Variants in EXOC6 observed in about 807,000 individuals in gnomAD.
The protein encoded by EXOC6 is SEC15-like 1.
Under a neutral mutation model 112.5 loss-of-function variants are expected in EXOC6, and 60 were observed. The observed-to-expected ratio is 0.53, with a 90% CI of 0.43 to 0.66. The LOEUF is 0.66. Among genes scored for constraint, EXOC6 ranks in the 30% least tolerant of loss-of-function variants. The pLI is 0.00. For missense variants in EXOC6, 855 were observed against 957.1 expected, an observed-to-expected ratio of 0.89 and a Z score of 1.41; for synonymous variants, 295 against 308.0, an observed-to-expected ratio of 0.96 and a Z score of 0.44.
chr10:92,834,836 T>C lies in EXOC6; in HGVS notation c.86+12T>C. The C allele has an allele frequency of 2.6e-6, 4 of 1,511,380 alleles. 1 individual carries two copies. The South Asian group carries it at 3.4e-5, about 13-fold the overall frequency. The allele number at this position is 1,511,380 out of a possible 1,614,324, so 93.6% of individuals were successfully genotyped here. A position where few individuals can be genotyped will look rare whatever the true frequency, so the allele number is the denominator to read the frequency against. On this transcript the variant is annotated intron_variant, in intron 1 of 21. Coordinates refer to the EXOC6 transcript ENST00000371552. ...GAAGCTACTTTAAGGTAGGGCACCG[T>C]TGCATTTTATTGTGTCTTCTTTAGC...
Position 92,949,755 on chromosome 10 carries a change from G to T in EXOC6, c.1416+1376G>T, listed in dbSNP as rs558229445. On this transcript the variant is annotated intron_variant, in intron 14 of 21. Coordinates refer to ENST00000260762, the MANE Select transcript of EXOC6 (RefSeq NM_019053.6). ...TTACAGGCATGCGCCACCATGCCCA[G>T]CTAATTTTGTAATTTTTTTTAGTAG... Among the ~76,000 whole-genome samples, 110 of 152,170 alleles carry T rather than the reference G, an allele frequency of 7.2e-4. 2 individuals are homozygous for T. In the South Asian group the frequency reaches 0.022, roughly 31 times the overall value.
intron 1 of EXOC6, among the ~76,000 whole-genome samples, chr10:92,891,418 T>C (rs1197969928): frequency 1.3e-5 from 2 of 152,150 alleles, no homozygotes; most frequent in Non-Finnish European, 2.9e-5. Flanking sequence ...TTTTAAAAAA[T>C]TAAAAAAATT....
At chr10:93,006,493 T>C (rs1048557641) in intron 19 of EXOC6, among the ~76,000 whole-genome samples, 13 of 152,154 alleles carry the variant, frequency 8.5e-5, no homozygotes, top group Non-Finnish European at 1.0e-4. Flanking sequence ...TATATAAAAA[T>C]GAGGTGATGA....
chr10:92,848,438 G>GCCCCCCCCCCC, upstream of EXOC6: 2 of 196,086 alleles, frequency 1.0e-5, no homozygotes, highest in Non-Finnish European at 8.7e-6. Context: ...CGAGCGCCCC[G>GCCCCCCCCCCC]CCCCCGCCCC....
In EXOC6 at chr10:92,857,181, C is replaced by G. The variant is rs1384407500; in HGVS notation, c.101+8547C>G. ...TTCTTTCTTCCTTTTTTTTTTTGCT[C>G]CTCTATTCCTTTTTTACTGCTGCTT... On this transcript the variant is annotated intron_variant, in intron 1 of 21. Coordinates refer to ENST00000260762, the MANE Select transcript of EXOC6 (RefSeq NM_019053.6). Among the ~76,000 whole-genome samples the G allele has an allele frequency of 2.1e-5, 3 of 142,854 alleles. No individual in the cohort carries two copies. In the East Asian group the frequency reaches 5.9e-4, roughly 28 times the overall value. 93.7% of individuals were successfully genotyped at this position (142,854 alleles called of 152,430 possible).
At chr10:92,995,944 ATGT>A (rs1170985987) in intron 18 of EXOC6, among the ~76,000 whole-genome samples, 5 of 152,226 alleles carry the variant, frequency 3.3e-5, no homozygotes, top group Non-Finnish European at 7.3e-5. Flanking sequence ...GATTTAACAA[ATGT>A]TGTAATAAGC....
At chr10:92,925,848 A>G (rs1851684330) in intron 8 of EXOC6, among the ~76,000 whole-genome samples, 1 of 152,010 alleles carries the variant, frequency 6.6e-6, no homozygotes, top group African/African-American at 2.4e-5. Context: ...ATTTTTTTTA[A>G]AGAGATAGCT....
intron 17 of EXOC6, among the ~76,000 whole-genome samples, chr10:92,972,749 G>T (rs1842351276): frequency 6.6e-6 from 1 of 152,100 alleles, no homozygotes; most frequent in Admixed American, 6.6e-5. Context: ...GTTTCCTTTG[G>T]CTAGTCACAT....
intron 20 of EXOC6, among the ~76,000 whole-genome samples, chr10:93,049,484 T>C (rs980601581): frequency 5.3e-5 from 8 of 152,242 alleles, no homozygotes; most frequent in African/African-American, 1.9e-4. Flanking sequence ...GAAGTAATAA[T>C]GCATGCTACA....
intron 13 of EXOC6, among the ~76,000 whole-genome samples, chr10:92,943,486 A>T (rs1852792160): frequency 2.0e-5 from 3 of 152,262 alleles, no homozygotes. Context: ...GATAGAATTT[A>T]TAACCTGACT....
At chr10:93,042,002 C>T (rs990807705) in intron 20 of EXOC6, among the ~76,000 whole-genome samples, 7 of 152,218 alleles carry the variant, frequency 4.6e-5, no homozygotes, top group Non-Finnish European at 7.3e-5. Context: ...TGGGCCACTG[C>T]GCCCGGCCAG....
At chr10:93,033,501 AC>A (rs1168601150) in intron 20 of EXOC6, among the ~76,000 whole-genome samples, 1 of 152,214 alleles carries the variant, frequency 6.6e-6, no homozygotes, top group Admixed American at 6.5e-5. Context: ...GCATAGCATC[AC>A]ATGTATTTTG....
intron 20 of EXOC6, among the ~76,000 whole-genome samples, chr10:93,050,859 G>A (rs537952595): frequency 1.3e-5 from 2 of 151,108 alleles, no homozygotes; most frequent in African/African-American, 2.4e-5. Context: ...GTGACAGAGC[G>A]AGACTCTGTC....
At chr10:93,004,607 A>G (rs1843895051) in intron 19 of EXOC6, among the ~76,000 whole-genome samples, 1 of 152,120 alleles carries the variant, frequency 6.6e-6, no homozygotes, top group Non-Finnish European at 1.5e-5. Context: ...GTATTTTCAC[A>G]TGCCTTTTTG....
chr10:92,836,426 G>T (rs1043968994), intron 1 of EXOC6, among the ~76,000 whole-genome samples: 1 of 152,134 alleles, frequency 6.6e-6, no homozygotes, highest in Non-Finnish European at 1.5e-5. Flanking sequence ...CACTCTCTCA[G>T]CATCACCCTC....
chr10:92,946,536 T>C (rs1853022687), intron 13 of EXOC6, among the ~76,000 whole-genome samples: 1 of 152,260 alleles, frequency 6.6e-6, no homozygotes, highest in African/African-American at 2.4e-5. Context: ...GTGTTCATTA[T>C]TAGGCTTTTT....
At position 92,929,891 on chromosome 10, in the gene EXOC6, A is replaced by T. The variant is rs774939594; in HGVS notation, c.972+1469A>T. ...GAGTTTCAGAAAGAGGATAGAGCAA[A>T]TGAGACTGAAGAATATTTGATGCCA... On this transcript the variant is annotated intron_variant, in intron 9 of 21. Transcript: ENST00000260762. 8.8e-4 allele frequency among the ~76,000 whole-genome samples: 134 copies of T among 152,348 alleles called. No homozygotes were observed. In the Middle Eastern group the frequency reaches 0.024, roughly 27 times the overall value.
chr10:92,934,857 G>A (rs1044097565), intron 11 of EXOC6, among the ~76,000 whole-genome samples: 2 of 151,890 alleles, frequency 1.3e-5, no homozygotes, highest in East Asian at 1.9e-4. Context: ...TAAAATTTGC[G>A]ATTTTCAAAA....
At chr10:93,045,142 G>C (rs1845948869) in intron 20 of EXOC6, among the ~76,000 whole-genome samples, 1 of 152,212 alleles carries the variant, frequency 6.6e-6, no homozygotes, top group Non-Finnish European at 1.5e-5. Flanking sequence ...AAAGTGCTGG[G>C]ATTACAGGCG....
Sources: allele counts gnomAD v4.1 joint callset (sites outside exome capture counted in the v4.1 genomes callset), GRCh38; gene constraint gnomAD v4.1.1; transcripts MANE v1.5; gene names NCBI Gene and HGNC (gene_info 2026-07-23, HGNC 2026-07-21).